Variants in FAM3C observed in about 807,000 individuals in gnomAD.
FAM3C encodes the protein protein FAM3C.
FAM3C carries 15 observed loss-of-function variants against 32.5 expected under a neutral mutation model. That is an observed-to-expected ratio of 0.46 (90% CI 0.31 to 0.71). FAM3C has a LOEUF of 0.71. Among genes scored for constraint, FAM3C ranks in the 30% least tolerant of loss-of-function variants. FAM3C has a pLI of 0.05. For missense variants in FAM3C, 175 were observed against 274.4 expected, an observed-to-expected ratio of 0.64 and a Z score of 2.56; for synonymous variants, 75 against 86.1, an observed-to-expected ratio of 0.87 and a Z score of 0.72.
intron 1 of FAM3C, among the ~76,000 whole-genome samples, chr7:121,393,124 G>T (rs757555894): frequency 1.2e-4 from 19 of 152,082 alleles, no homozygotes; most frequent in Admixed American, 1.1e-3. Context: ...GAAACGTGAC[G>T]GTTCATAACA....
intron 5 of FAM3C, among the ~76,000 whole-genome samples, chr7:121,368,250 C>T (rs1011682459): frequency 6.6e-6 from 1 of 152,158 alleles, no homozygotes; most frequent in African/African-American, 2.4e-5. Flanking sequence ...TGTTTAACAG[C>T]ATCTCTGGCC....
At chr7:121,367,178 A>C (rs955073571) in intron 5 of FAM3C, among the ~76,000 whole-genome samples, 2 of 152,214 alleles carry the variant, frequency 1.3e-5, no homozygotes. Context: ...CATGAATATA[A>C]GGTACCCCTT....
intron 2 of FAM3C, among the ~76,000 whole-genome samples, chr7:121,379,233 A>C (rs989677203): frequency 6.6e-6 from 1 of 152,146 alleles, no homozygotes; most frequent in African/African-American, 2.4e-5. Flanking sequence ...TAGCTATCCA[A>C]AGGACTGCTT....
chr7:121,356,621 G>C (rs992772435), intron 8 of FAM3C, among the ~76,000 whole-genome samples: 38 of 152,174 alleles, frequency 2.5e-4, no homozygotes, highest in Non-Finnish European at 4.4e-5. Flanking sequence ...GTGTTAAGTA[G>C]AGGTATTCAT....
chr7:121,359,184 C>A (rs1027073649), intron 8 of FAM3C, among the ~76,000 whole-genome samples: 1 of 151,774 alleles, frequency 6.6e-6, no homozygotes, highest in Non-Finnish European at 1.5e-5. Flanking sequence ...TTAATCATTT[C>A]CACTTTAAAA....
rs1455947379 is a variant in FAM3C at position 121,362,648 on chromosome 7, TA to T, written c.382+248del. ...CTGTAGAAAACAAGATGACTTTTTT[TA>T]AAAAAATCTCAATTTTGATATTACT... On this transcript the variant is annotated intron_variant, in intron 7 of 9. Transcript: ENST00000359943. 1.4e-5 allele frequency: 6 copies of T among 427,450 alleles called. No homozygotes were observed. In the South Asian group the frequency reaches 1.9e-4, roughly 14 times the overall value. 26.5% of individuals were successfully genotyped at this position (427,450 alleles called of 1,614,324 possible).
At chr7:121,392,759 G>C (rs1442771509) in intron 1 of FAM3C, among the ~76,000 whole-genome samples, 1 of 152,126 alleles carries the variant, frequency 6.6e-6, no homozygotes, top group Non-Finnish European at 1.5e-5. Context: ...TTTCTGAATA[G>C]CACACAAAAA....
rs553960258 is a variant in FAM3C at position 121,369,182 on chromosome 7, T to C, written c.272+2118A>G. On this transcript the variant is annotated intron_variant, in intron 5 of 9. Transcript: ENST00000359943. ...TTTTAGTAAAGACGGGGTTTCACCATGTTGGCCAGGCTGGTCTCAGACTCC... is the reference window on the plus strand; with the variant it reads ...TTTTAGTAAAGACGGGGTTTCACCACGTTGGCCAGGCTGGTCTCAGACTCC... 4.1e-4 allele frequency among the ~76,000 whole-genome samples: 63 copies of C among 152,138 alleles called. No homozygotes were observed. In the South Asian group the frequency reaches 0.012, roughly 30 times the overall value.
intron 1 of FAM3C, among the ~76,000 whole-genome samples, chr7:121,386,237 T>G (rs1271260785): frequency 6.6e-6 from 1 of 152,092 alleles, no homozygotes; most frequent in East Asian, 1.9e-4. Context: ...AGCACTTAAT[T>G]AAACCACAGG....
intron 4 of FAM3C, among the ~76,000 whole-genome samples, chr7:121,371,776 C>T (rs549316975): frequency 2.6e-5 from 4 of 152,130 alleles, no homozygotes; most frequent in East Asian, 3.9e-4. Context: ...TGTTACTTTG[C>T]ACTTCTAGTC....
chr7:121,358,507 G>T (rs895002475), intron 8 of FAM3C, among the ~76,000 whole-genome samples: 8 of 152,002 alleles, frequency 5.3e-5, no homozygotes, highest in African/African-American at 1.9e-4. Context: ...GAGGCATGAA[G>T]TACAATTACT....
At chr7:121,385,797 C>T (rs774525904) in intron 1 of FAM3C, among the ~76,000 whole-genome samples, 1 of 152,092 alleles carries the variant, frequency 6.6e-6, no homozygotes, top group Non-Finnish European at 1.5e-5. Flanking sequence ...TGCCAGTTAA[C>T]ATAAACCAAG....
intron 5 of FAM3C, among the ~76,000 whole-genome samples, chr7:121,368,242 T>C (rs1794063551): frequency 6.6e-6 from 1 of 152,138 alleles, no homozygotes; most frequent in Non-Finnish European, 1.5e-5. Context: ...CTGAAAGATG[T>C]TTAACAGCAT....
At chr7:121,362,155 T>C (rs781496150) in intron 7 of FAM3C, among the ~76,000 whole-genome samples, 1 of 152,234 alleles carries the variant, frequency 6.6e-6, no homozygotes, top group South Asian at 2.1e-4. Flanking sequence ...AATCAAAAGA[T>C]AAACCAGTGT....
chr7:121,386,104 A>C (rs1248683406), intron 1 of FAM3C, among the ~76,000 whole-genome samples: 1 of 152,202 alleles, frequency 6.6e-6, no homozygotes, highest in Non-Finnish European at 1.5e-5. Flanking sequence ...CCACTCCAGC[A>C]ATTCAACAGT....
At chr7:121,388,131 A>G (rs139580287) in intron 1 of FAM3C, among the ~76,000 whole-genome samples, 3 of 152,218 alleles carry the variant, frequency 2.0e-5, no homozygotes, top group African/African-American at 7.2e-5. Context: ...TTTTAACACT[A>G]AAGGCTTGAA....
At chr7:121,358,142 T>C (rs999266802) in intron 8 of FAM3C, among the ~76,000 whole-genome samples, 2 of 152,162 alleles carry the variant, frequency 1.3e-5, no homozygotes, top group African/African-American at 4.8e-5. Flanking sequence ...TTTATGGATT[T>C]AATATATTCT....
chr7:121,362,641 CT>C (rs1793948440), intron 7 of FAM3C: 6 of 410,194 alleles, frequency 1.5e-5, no homozygotes, highest in Non-Finnish European at 2.6e-5. Flanking sequence ...AACAAGATGA[CT>C]TTTTTTAAAA....
upstream of FAM3C, chr7:121,396,384 G>T (rs1216351921): frequency 2.0e-5 from 3 of 152,190 alleles, no homozygotes; most frequent in Non-Finnish European, 4.4e-5. Context: ...CCCGCCGCCG[G>T]GAAGCCGCGC....
Sources: gnomAD v4.1 joint callset for allele counts (sites outside exome capture counted in the v4.1 genomes callset) on GRCh38, gnomAD v4.1.1 for gene constraint, MANE v1.5 for transcripts, NCBI Gene and HGNC (gene_info 2026-07-23, HGNC 2026-07-21) for gene names.